CDH12: variants seen among roughly 807,000 people sequenced by gnomAD.
CDH12 encodes cadherin 12.
CDH12 carries 41 observed loss-of-function variants against 74.1 expected under a neutral mutation model. That is an observed-to-expected ratio of 0.55 (90% CI 0.43 to 0.72). The LOEUF (loss-of-function observed/expected upper bound fraction) is 0.72, where lower values mean the gene tolerates loss of function less well. Among genes scored for constraint, CDH12 ranks in the 30% least tolerant of loss-of-function variants. The pLI is 0.00. For synonymous variants in CDH12, 399 were observed against 355.0 expected (o/e 1.12, Z -1.39); for missense variants, 945 against 977.2 (o/e 0.97, Z 0.44).
intron 4 of CDH12, among the ~76,000 whole-genome samples, chr5:22,208,921 G>A (rs1751378075): frequency 6.6e-6 from 1 of 152,070 alleles, no homozygotes; most frequent in South Asian, 2.1e-4. Flanking sequence ...ACACAATTAG[G>A]ATAAGCCAAC....
intron 1 of CDH12, among the ~76,000 whole-genome samples, chr5:22,586,929 C>T (rs1740434926): frequency 6.8e-6 from 1 of 147,642 alleles, no homozygotes; most frequent in East Asian, 2.1e-4. Flanking sequence ...TCACTGCAAC[C>T]TCCGCCTCCT....
intron 2 of CDH12, among the ~76,000 whole-genome samples, chr5:22,427,461 T>A (rs929097357): frequency 6.6e-6 from 1 of 152,126 alleles, no homozygotes; most frequent in Non-Finnish European, 1.5e-5. Context: ...CCACTGCATC[T>A]GACCAAAAGG....
At chr5:22,469,609 G>A (rs1331273471) in intron 2 of CDH12, among the ~76,000 whole-genome samples, 1 of 152,012 alleles carries the variant, frequency 6.6e-6, no homozygotes. Flanking sequence ...GAGGTACTGG[G>A]GCATTAGAAC....
At chr5:22,606,345 G>A (rs1357636915) in intron 1 of CDH12, among the ~76,000 whole-genome samples, 1 of 152,144 alleles carries the variant, frequency 6.6e-6, no homozygotes, top group East Asian at 1.9e-4. Flanking sequence ...TTTCTAGGAT[G>A]TAGCCACAAC....
chr5:22,514,942 T>C lies in CDH12; in HGVS notation c.-522-9578A>G, dbSNP rs187526114. Among the ~76,000 whole-genome samples, 6 of 152,288 alleles carry C rather than the reference T, an allele frequency of 3.9e-5. No homozygotes were observed. In the East Asian group the frequency reaches 9.6e-4, roughly 24 times the overall value. On this transcript the variant is annotated intron_variant, in intron 1 of 14. Coordinates refer to ENST00000382254, the MANE Select transcript of CDH12 (RefSeq NM_004061.5). ...TTTACTTTAAAAATTCAAAGGATCA[T>C]CTACCAAAGATATGCAATTAATAAG...
chr5:22,105,571 A>G (rs535262517), intron 4 of CDH12, among the ~76,000 whole-genome samples: 1 of 151,562 alleles, frequency 6.6e-6, no homozygotes, highest in Admixed American at 6.6e-5. Context: ...GGTGTTCTGC[A>G]CCTGTAGTTT....
At chr5:22,046,600 A>T (rs902201047) in intron 5 of CDH12, among the ~76,000 whole-genome samples, 2 of 151,872 alleles carry the variant, frequency 1.3e-5, no homozygotes, top group Non-Finnish European at 2.9e-5. Flanking sequence ...TTAATCTATA[A>T]TGTGAAAATA....
At chr5:22,604,622 C>A (rs1189039850) in intron 1 of CDH12, among the ~76,000 whole-genome samples, 1 of 152,112 alleles carries the variant, frequency 6.6e-6, no homozygotes. Context: ...GAAAATATTG[C>A]ATCTAAAAAA....
At chr5:22,023,601 A>C (rs1738148501) in intron 5 of CDH12, among the ~76,000 whole-genome samples, 1 of 152,040 alleles carries the variant, frequency 6.6e-6, no homozygotes, top group African/African-American at 2.4e-5. Flanking sequence ...ATACACACAC[A>C]CAAATTTCTA....
chr5:21,973,013 G>A (rs533547462), intron 6 of CDH12, among the ~76,000 whole-genome samples: 5 of 149,926 alleles, frequency 3.3e-5, no homozygotes, highest in Non-Finnish European at 7.4e-5. Context: ...AGAACAGCCT[G>A]GGCAACATAG....
At chr5:22,355,822 C>T (rs532395123) in intron 3 of CDH12, among the ~76,000 whole-genome samples, 1 of 152,062 alleles carries the variant, frequency 6.6e-6, no homozygotes, top group African/African-American at 2.4e-5. Context: ...TACTGAAACA[C>T]ACACATGCAC....
chr5:22,061,398 G>A (rs978694817), intron 5 of CDH12, among the ~76,000 whole-genome samples: 1 of 152,044 alleles, frequency 6.6e-6, no homozygotes, highest in Non-Finnish European at 1.5e-5. Context: ...TCATATATGA[G>A]CTACGTTTAA....
chr5:21,852,492 A>G (rs1006756842), intron 7 of CDH12, among the ~76,000 whole-genome samples: 13 of 151,420 alleles, frequency 8.6e-5, no homozygotes, highest in African/African-American at 2.7e-4. Context: ...TTTTTGGTTC[A>G]TAAAGTTGTT....
chr5:21,934,232 T>A (rs147685410), intron 6 of CDH12, among the ~76,000 whole-genome samples: 1 of 152,186 alleles, frequency 6.6e-6, no homozygotes, highest in South Asian at 2.1e-4. Context: ...TGAGACGTGA[T>A]TGGATCATAG....
At chr5:21,791,899 G>A (rs1336675051) in intron 10 of CDH12, among the ~76,000 whole-genome samples, 3 of 151,756 alleles carry the variant, frequency 2.0e-5, no homozygotes, top group Admixed American at 6.6e-5. Context: ...CAATGGAAAC[G>A]CTAACTTTGA....
chr5:22,453,245 A>C (rs1468633533), intron 2 of CDH12, among the ~76,000 whole-genome samples: 1 of 152,094 alleles, frequency 6.6e-6, no homozygotes, highest in East Asian at 1.9e-4. Context: ...ATTTTTACAA[A>C]GGAAATGAGA....
intron 1 of CDH12, among the ~76,000 whole-genome samples, chr5:22,553,046 C>T (rs917204035): frequency 6.6e-6 from 1 of 151,994 alleles, no homozygotes; most frequent in Non-Finnish European, 1.5e-5. Flanking sequence ...TAAATGCCTA[C>T]AAAACCTCAA....
intron 1 of CDH12, among the ~76,000 whole-genome samples, chr5:22,558,783 T>C (rs1029198001): frequency 1.3e-5 from 2 of 152,112 alleles, no homozygotes; most frequent in African/African-American, 4.8e-5. Context: ...AAGAGAAACA[T>C]GGTAAGCTGA....
chr5:22,689,413 G>A (rs1390291860), intron 1 of CDH12, among the ~76,000 whole-genome samples: 1 of 152,140 alleles, frequency 6.6e-6, no homozygotes, highest in Non-Finnish European at 1.5e-5. Flanking sequence ...GACATATGTA[G>A]AATAGGTACA....
Sources: allele counts gnomAD v4.1 joint callset (sites outside exome capture counted in the v4.1 genomes callset), GRCh38; gene constraint gnomAD v4.1.1; transcripts MANE v1.5; gene names NCBI Gene and HGNC (gene_info 2026-07-23, HGNC 2026-07-21).